The following CCDC91 variants were observed in gnomAD, a reference collection of about 807,000 sequenced individuals.
CCDC91 encodes coiled-coil domain-containing protein 91.
CCDC91 carries 48 observed loss-of-function variants against 63.2 expected under a neutral mutation model. The observed-to-expected ratio is 0.76, with a 90% CI of 0.60 to 0.97. The LOEUF (loss-of-function observed/expected upper bound fraction) is 0.97. Among genes scored for constraint, CCDC91 ranks in the 50% least tolerant of loss-of-function variants. CCDC91 has a pLI of 0.00. For synonymous variants in CCDC91, 167 were observed against 165.8 expected, an observed-to-expected ratio of 1.01 and a Z score of -0.06; for missense variants, 500 against 494.6, an observed-to-expected ratio of 1.01 and a Z score of -0.10.
At chr12:28,408,902 C>T (rs1468888130) in intron 8 of CCDC91, among the ~76,000 whole-genome samples, 1 of 152,160 alleles carries the variant, frequency 6.6e-6, no homozygotes, top group African/African-American at 2.4e-5. Flanking sequence ...CTCTGCCTCC[C>T]AAAGTGCTGG....
intron 8 of CCDC91, among the ~76,000 whole-genome samples, chr12:28,425,723 C>G (rs553602193): frequency 8.3e-4 from 126 of 152,294 alleles, no homozygotes; most frequent in Non-Finnish European, 1.3e-3. Flanking sequence ...AATACTTAAG[C>G]AGTGGTTCTC....
chr12:28,503,468 C>T (rs1938245201), intron 12 of CCDC91, among the ~76,000 whole-genome samples: 1 of 152,138 alleles, frequency 6.6e-6, no homozygotes, highest in Admixed American at 6.5e-5. Flanking sequence ...GAAATAGGAA[C>T]ACTTTTACAC....
intron 8 of CCDC91, among the ~76,000 whole-genome samples, chr12:28,440,723 A>G (rs1333777734): frequency 6.6e-6 from 1 of 152,068 alleles, no homozygotes; most frequent in Non-Finnish European, 1.5e-5. Context: ...AATCAGTAAT[A>G]AAAAAAGAGA....
intron 7 of CCDC91, among the ~76,000 whole-genome samples, chr12:28,378,217 C>G (rs544945311): frequency 6.6e-6 from 1 of 152,036 alleles, no homozygotes; most frequent in East Asian, 1.9e-4. Flanking sequence ...GAGTTTTGGT[C>G]TTTTGTGCAT....
intron 8 of CCDC91, among the ~76,000 whole-genome samples, chr12:28,397,442 G>C: frequency 6.6e-6 from 1 of 151,984 alleles, no homozygotes; most frequent in East Asian, 1.9e-4. Flanking sequence ...CTTGTATTTC[G>C]GCCTAGAAGT....
At position 28,379,065 on chromosome 12, in the gene CCDC91, T is replaced by C. The variant is rs540634086; in HGVS notation, c.655-12239T>C. 3.3e-5 allele frequency among the ~76,000 whole-genome samples: 5 copies of C among 152,194 alleles called. No individual in the cohort carries two copies. The South Asian group carries it at 8.3e-4, about 25-fold the overall frequency. On this transcript the variant is annotated intron_variant, in intron 7 of 12. Coordinates refer to ENST00000536442, the MANE Select transcript of CCDC91 (RefSeq NM_018318.5). ...ATACTGTGACTGGTCCATTAGCTGA[T>C]AGTCAAAGGAATGAAGAGGAAACCT...
At chr12:28,251,645 A>T (rs910521317) in intron 1 of CCDC91, among the ~76,000 whole-genome samples, 1 of 151,932 alleles carries the variant, frequency 6.6e-6, no homozygotes, top group African/African-American at 2.4e-5. Context: ...CATCTCCTTC[A>T]TACTGGTTTC....
chr12:28,455,294 AC>A (rs1950005304), intron 11 of CCDC91, among the ~76,000 whole-genome samples: 2 of 152,190 alleles, frequency 1.3e-5, no homozygotes, highest in African/African-American at 4.8e-5. Context: ...AATTGGAAAA[AC>A]TAATATATTA....
intron 3 of CCDC91, among the ~76,000 whole-genome samples, chr12:28,259,780 A>G (rs1212828843): frequency 6.6e-6 from 1 of 151,932 alleles, no homozygotes. Context: ...TCCTTTTTAT[A>G]GTCCAAAAAT....
rs138106667 is a variant in CCDC91, at chr12:28,275,595, G to A, written c.109+16153G>A. Reference sequence around the variant, plus strand: ...GAAACTATTCCAATCAATAGAAAACGAGGGAATCCTCCCTAACTCATTATA... The same window carrying A: ...GAAACTATTCCAATCAATAGAAAACAAGGGAATCCTCCCTAACTCATTATA... On this transcript the variant is annotated intron_variant, in intron 3 of 12. Transcript: ENST00000536442. Among the ~76,000 whole-genome samples the A allele has an allele frequency of 7.3e-3, 1,105 of 152,176 alleles. 18 individuals are homozygous for A. The highest frequency in any genetic ancestry group is 0.025 in the African/African-American group (1,058 of 41,528).
intron 8 of CCDC91, among the ~76,000 whole-genome samples, chr12:28,432,594 G>A (rs1453265425): frequency 6.6e-6 from 1 of 152,030 alleles, no homozygotes; most frequent in Non-Finnish European, 1.5e-5. Flanking sequence ...TCAGTCTCAG[G>A]TATTTCTTTA....
chr12:28,327,836 G>C (rs774442875), intron 6 of CCDC91, among the ~76,000 whole-genome samples: 1 of 152,126 alleles, frequency 6.6e-6, no homozygotes, highest in African/African-American at 2.4e-5. Flanking sequence ...CAGAGGCCAA[G>C]TGAGCTGCCA....
At chr12:28,229,095 A>G (rs1161213940) in intron 1 of CCDC91, among the ~76,000 whole-genome samples, 2 of 152,030 alleles carry the variant, frequency 1.3e-5, no homozygotes, top group African/African-American at 2.4e-5. Flanking sequence ...AAGGCCACCT[A>G]TATATGTAAT....
intron 6 of CCDC91, among the ~76,000 whole-genome samples, chr12:28,331,375 C>G (rs553322029): frequency 2.0e-5 from 3 of 152,120 alleles, no homozygotes; most frequent in Non-Finnish European, 4.4e-5. Flanking sequence ...GAGGAAAAAA[C>G]GTCAGGCTGG....
intron 11 of CCDC91, among the ~76,000 whole-genome samples, chr12:28,482,387 G>A (rs536733159): frequency 1.3e-5 from 2 of 151,882 alleles, no homozygotes; most frequent in Non-Finnish European, 1.5e-5. Flanking sequence ...AACATTTAAT[G>A]TACTCAGTGA....
At chr12:28,433,584 G>A (rs11049597) in intron 8 of CCDC91, among the ~76,000 whole-genome samples, 32,536 of 151,772 alleles carry the variant, frequency 0.21, 4,204 homozygotes, top group Non-Finnish European at 0.3. Context: ...TCATGTGCCA[G>A]TATCATAGTT....
At chr12:28,223,550 TAAAC>T (rs1944085892) in intron 1 of CCDC91, among the ~76,000 whole-genome samples, 1 of 152,174 alleles carries the variant, frequency 6.6e-6, no homozygotes, top group East Asian at 1.9e-4. Context: ...GACTGTCTCT[TAAAC>T]AATATTGTCT....
chr12:28,469,150 T>C (rs1488235507), intron 11 of CCDC91, among the ~76,000 whole-genome samples: 2 of 151,984 alleles, frequency 1.3e-5, no homozygotes, highest in Admixed American at 6.6e-5. Flanking sequence ...CAAATTATAA[T>C]TATTTTTTTT....
chr12:28,403,299 T>C (rs1018810850), intron 8 of CCDC91, among the ~76,000 whole-genome samples: 2 of 152,284 alleles, frequency 1.3e-5, no homozygotes, highest in Admixed American at 1.3e-4. Context: ...GGAAGGTTGT[T>C]GTCTTAGCCT....
Sources: allele counts gnomAD v4.1 joint callset (sites outside exome capture counted in the v4.1 genomes callset), GRCh38; gene constraint gnomAD v4.1.1; transcripts MANE v1.5; gene names NCBI Gene and HGNC (gene_info 2026-07-23, HGNC 2026-07-21).